Variants in PCDHA11 observed in about 807,000 individuals in gnomAD.
The protein encoded by PCDHA11 is protocadherin alpha 11, also known as protocadherin alpha-11.
PCDHA11 carries 61 observed loss-of-function variants against 70.3 expected under a neutral mutation model. The ratio of observed to expected loss-of-function variants is 0.87; its 90% CI spans 0.71 to 1.07. The LOEUF (loss-of-function observed/expected upper bound fraction) is 1.07. Ranked by LOEUF, PCDHA11 falls within the 50% of genes least tolerant of loss-of-function variation. The pLI, the probability that PCDHA11 is intolerant of heterozygous loss-of-function variation, is 0.00. For missense variants in PCDHA11, 1,324 were observed against 1,237.5 expected (o/e 1.07, Z -1.05); for synonymous variants, 633 against 555.1 (o/e 1.14, Z -1.97).
rs782379229 is a variant in PCDHA11, at chr5:140,927,578, A to G, written c.2392-51371A>G. ...ATCATTGTGGTGGACACAAATGACAACGCGCCTGTATTTGAGCGCTCCGTA... is the reference window on the plus strand; with the variant it reads ...ATCATTGTGGTGGACACAAATGACAGCGCGCCTGTATTTGAGCGCTCCGTA... On this transcript the variant is annotated intron_variant, in intron 1 of 3. Transcript: ENST00000398640. 1.5e-5 allele frequency: 24 copies of G among 1,614,024 alleles called. No homozygotes were observed. The highest frequency in any genetic ancestry group is 2.0e-5 in the Non-Finnish European group (24 of 1,180,026).
intron 1 of PCDHA11, among the ~76,000 whole-genome samples, chr5:140,900,283 C>A (rs1325528461): frequency 6.6e-6 from 1 of 151,666 alleles, no homozygotes; most frequent in Non-Finnish European, 1.5e-5. Flanking sequence ...ACCACACTTT[C>A]TTTTCTGTTT....
intron 1 of PCDHA11, chr5:140,929,118 A>G: frequency 2.5e-6 from 4 of 1,614,150 alleles, no homozygotes; most frequent in Non-Finnish European, 3.4e-6. Flanking sequence ...CAGCCACCAT[A>G]GATGTCACTA....
intron 1 of PCDHA11, among the ~76,000 whole-genome samples, chr5:140,976,378 C>T (rs908008970): frequency 6.6e-6 from 1 of 151,926 alleles, no homozygotes; most frequent in Admixed American, 6.6e-5. Context: ...TGGTGAAACC[C>T]CATCTCTACT....
chr5:140,871,473 A>G lies in PCDHA11; in HGVS notation c.2370A>G (p.Pro790=). ...AGGAGGAAGGGGAAAGACAGGAGCC[A>G]GGGTCAAATCACCCCGGACAGGTGA... ...NKEEEGERQE[P]GSNHPGQPRQ... The change falls in exon 1 of 4, where the codon CCA becomes CCG. Residue 790 remains proline (P), a synonymous_variant. Transcript: ENST00000398640. The G allele has an allele frequency of 1.2e-6, 2 of 1,600,218 alleles. No homozygotes were observed. The highest frequency in any genetic ancestry group is 1.3e-5 in the African/African-American group (1 of 74,758).
At chr5:140,943,501 T>C (rs1235998322) in intron 1 of PCDHA11, among the ~76,000 whole-genome samples, 1 of 152,088 alleles carries the variant, frequency 6.6e-6, no homozygotes, top group Non-Finnish European at 1.5e-5. Flanking sequence ...GCTATCAAGG[T>C]TCATGGAAAT....
intron 1 of PCDHA11, among the ~76,000 whole-genome samples, chr5:140,909,000 G>C (rs569548757): frequency 9.8e-5 from 15 of 152,296 alleles, no homozygotes; most frequent in Non-Finnish European, 1.8e-4. Flanking sequence ...AAATTTTACT[G>C]AGGTAGAAGG....
chr5:140,996,678 G>T (rs922990686), intron 3 of PCDHA11, among the ~76,000 whole-genome samples: 28 of 152,162 alleles, frequency 1.8e-4, no homozygotes, highest in African/African-American at 6.7e-4. Context: ...AACCATGTTG[G>T]GCTAGTATTC....
Position 140,870,944 on chromosome 5 carries a change from CG to C in PCDHA11, c.1844del (p.Gly615AlafsTer16). 1 of 1,613,658 alleles carries C rather than the reference CG, an allele frequency of 6.2e-7. No homozygotes were observed. The highest frequency in any genetic ancestry group is 8.5e-7 in the Non-Finnish European group (1 of 1,179,884). On this transcript the variant is annotated frameshift_variant, in exon 1 of 4. Coordinates refer to ENST00000398640, the MANE Select transcript of PCDHA11 (RefSeq NM_018902.5). LOFTEE classifies it high-confidence loss of function. ...CTTTCATATGAATTGCAGCCGGCGGCGGGCGGCTCGCGCATCCCGTTCCGCG... is the reference window on the plus strand; with the variant it reads ...CTTTCATATGAATTGCAGCCGGCGGCGGCGGCTCGCGCATCCCGTTCCGCG... The part of the protein sequence containing the change: ...AWLSYELQPA[A>X]GGSRIPFRVG...
intron 1 of PCDHA11, chr5:140,969,253 C>G (rs200334724): frequency 7.4e-6 from 12 of 1,614,084 alleles, no homozygotes; most frequent in Non-Finnish European, 8.5e-7. Context: ...TGACTGACAG[C>G]AGGAATCTCA....
intron 1 of PCDHA11, chr5:140,968,888 CTAA>C: frequency 6.2e-7 from 1 of 1,614,210 alleles, no homozygotes; most frequent in Non-Finnish European, 8.5e-7. Context: ...TACCCTTTAT[CTAA>C]TAATAGCATT....
chr5:140,985,063 G>C (rs2097134230), intron 3 of PCDHA11, among the ~76,000 whole-genome samples: 1 of 151,948 alleles, frequency 6.6e-6, no homozygotes, highest in African/African-American at 2.4e-5. Flanking sequence ...TCAGCCTCCT[G>C]AGTAGCTGAG....
chr5:140,906,193 AAGTTGACACTC>A (rs1337204998), intron 1 of PCDHA11, among the ~76,000 whole-genome samples: 4 of 152,140 alleles, frequency 2.6e-5, no homozygotes, highest in African/African-American at 9.7e-5. Context: ...CAATCCAATC[AAGTTGACACTC>A]AGTATTAACC....
chr5:140,980,252 A>C (rs993133768), intron 2 of PCDHA11, among the ~76,000 whole-genome samples: 6 of 152,188 alleles, frequency 3.9e-5, no homozygotes, highest in African/African-American at 1.4e-4. Context: ...CAATGGGTAA[A>C]AGCATGGTTT....
At chr5:140,936,925 T>C (rs1554211273) in intron 1 of PCDHA11, among the ~76,000 whole-genome samples, 2 of 152,208 alleles carry the variant, frequency 1.3e-5, no homozygotes, top group African/African-American at 2.4e-5. Context: ...AAATATGGGG[T>C]ATATTGAAAA....
In PCDHA11 at chr5:141,005,964, A is replaced by G. The variant is rs189203283; in HGVS notation, c.2540-3663A>G. On this transcript the variant is annotated intron_variant, in intron 3 of 3. Transcript: ENST00000398640. The stretch of plus-strand genomic sequence containing the variant: ...CCTATCTCTAACAAACAACAATAAA[A>G]AAACAATTCCAAAGAGTGTTTGAGG... 1.8e-3 allele frequency among the ~76,000 whole-genome samples: 274 copies of G among 152,152 alleles called. 1 individual carries two copies. Among genetic ancestry groups the G allele is most frequent in the Middle Eastern group, 6.8e-3 (2 of 294 alleles).
chr5:140,900,143 G>C (rs1198470231), intron 1 of PCDHA11, among the ~76,000 whole-genome samples: 2 of 152,156 alleles, frequency 1.3e-5, no homozygotes, highest in African/African-American at 2.4e-5. Flanking sequence ...AAATAAGTAA[G>C]AACATACGAT....
intron 1 of PCDHA11, among the ~76,000 whole-genome samples, chr5:140,952,282 C>A (rs12187982): frequency 0.12 from 17,942 of 151,036 alleles, 1,209 homozygotes; most frequent in Middle Eastern, 0.19. Context: ...AGGGTGGTGG[C>A]CCTCTTCTCA....
chr5:140,885,819 A>G (rs1488283542), intron 1 of PCDHA11, among the ~76,000 whole-genome samples: 1 of 152,032 alleles, frequency 6.6e-6, no homozygotes, highest in Non-Finnish European at 1.5e-5. Flanking sequence ...TTTGTATTTG[A>G]TCTTCTTTGA....
At chr5:140,968,365 T>C (rs1554230638) in intron 1 of PCDHA11, 1 of 1,614,112 alleles carries the variant, frequency 6.2e-7, no homozygotes, top group Non-Finnish European at 8.5e-7. Context: ...GCCTTTATGC[T>C]GTCAACTCCT....
Sources: gnomAD v4.1 joint callset for allele counts (sites outside exome capture counted in the v4.1 genomes callset) on GRCh38, gnomAD v4.1.1 for gene constraint, MANE v1.5 for transcripts, NCBI Gene and HGNC (gene_info 2026-07-23, HGNC 2026-07-21) for gene names.